The following CACNA2D2 variants were observed in gnomAD, a reference collection of about 807,000 sequenced individuals.
CACNA2D2 encodes the protein voltage-dependent calcium channel subunit alpha-2/delta-2.
Under a neutral mutation model 166.4 loss-of-function variants are expected in CACNA2D2, and 48 were observed. That is an observed-to-expected ratio of 0.29 (90% CI 0.23 to 0.37). The LOEUF (loss-of-function observed/expected upper bound fraction) is 0.37. CACNA2D2 is among the 10% of genes least tolerant of loss of function. The pLI, the probability that CACNA2D2 is intolerant of heterozygous loss-of-function variation, is 1.00. For synonymous variants in CACNA2D2, 561 were observed against 573.7 expected, an observed-to-expected ratio of 0.98 and a Z score of 0.32; for missense variants, 1,122 against 1,433.0, an observed-to-expected ratio of 0.78 and a Z score of 3.50.
Position 50,379,082 on chromosome 3 carries a change from T to G in CACNA2D2, c.1260+10A>C. 1 of 1,613,716 alleles carries G rather than the reference T, an allele frequency of 6.2e-7. No individual in the cohort carries two copies. The highest frequency in any genetic ancestry group is 8.5e-7 in the Non-Finnish European group (1 of 1,179,752). On this transcript the variant is annotated intron_variant, in intron 12 of 37. Coordinates refer to ENST00000424201, the MANE Select transcript of CACNA2D2 (RefSeq NM_006030.4). The surrounding 1 kb of genome is among the most constrained non-coding windows in gnomAD (Gnocchi z 6.5). ...AGGTCAGGGTAGCCCCTGCCTCGGT[T>G]GAGCCTCACCGTCCGGTTTGGCCAA...
Position 50,365,808 on chromosome 3 carries a change from A to T in CACNA2D2, c.2915+2T>A. 2.5e-6 allele frequency: 4 copies of T among 1,613,456 alleles called. No individual in the cohort carries two copies. The highest frequency in any genetic ancestry group is 3.4e-6 in the Non-Finnish European group (4 of 1,180,012). On this transcript the variant is annotated splice_donor_variant, in intron 33 of 37. Coordinates refer to ENST00000424201, the MANE Select transcript of CACNA2D2 (RefSeq NM_006030.4). LOFTEE classifies it high-confidence loss of function. The surrounding 1 kb of genome is among the most constrained non-coding windows in gnomAD (Gnocchi z 4.5). Reference sequence around the variant, plus strand: ...TCTACCCACCTCCCGCTCAGGACTCACCAGGCGGCAGCAGAGGTCCACCAG... The same window carrying T: ...TCTACCCACCTCCCGCTCAGGACTCTCCAGGCGGCAGCAGAGGTCCACCAG...
chr3:50,493,415 G>A (rs1182316878), intron 1 of CACNA2D2, among the ~76,000 whole-genome samples: 1 of 152,218 alleles, frequency 6.6e-6, no homozygotes, highest in Non-Finnish European at 1.5e-5. Context: ...AAACCCAGAG[G>A]AGACATCTCT....
intron 3 of CACNA2D2, among the ~76,000 whole-genome samples, chr3:50,432,035 C>A (rs1230902702): frequency 2.0e-5 from 3 of 151,030 alleles, no homozygotes; most frequent in African/African-American, 7.3e-5. Flanking sequence ...CTGTTTAGTG[C>A]CGACTGTCCC....
intron 2 of CACNA2D2, among the ~76,000 whole-genome samples, chr3:50,445,110 A>G (rs1436298230): frequency 6.6e-6 from 1 of 152,136 alleles, no homozygotes; most frequent in Non-Finnish European, 1.5e-5. Context: ...CACACCTCAA[A>G]AAGTGGTGTG....
chr3:50,432,329 C>A (rs1708111782), intron 3 of CACNA2D2, among the ~76,000 whole-genome samples: 1 of 152,224 alleles, frequency 6.6e-6, no homozygotes. Flanking sequence ...CCACTCAGCA[C>A]CCCTGCTGTG....
rs1704104980 is a variant in CACNA2D2 at position 50,364,575 on chromosome 3, G to A, written c.*91C>T. The A allele has an allele frequency of 7.2e-7, 1 of 1,386,366 alleles. No individual in the cohort carries two copies. Among genetic ancestry groups the A allele is most frequent in the East Asian group, 2.5e-5 (1 of 39,700 alleles). The allele number at this position is 1,386,366 out of a possible 1,614,324, so 85.9% of individuals were successfully genotyped here. A position where few individuals can be genotyped will look rare whatever the true frequency, so the allele number is the denominator to read the frequency against. ...TCAGGTCCTTCAGTGAGGGAGGGAC[G>A]AGGCTCTAAGGCGGGGAGTGTGGGG... On this transcript the variant is annotated 3_prime_UTR_variant, in exon 38 of 38. Coordinates refer to ENST00000424201, the MANE Select transcript of CACNA2D2 (RefSeq NM_006030.4).
intron 3 of CACNA2D2, among the ~76,000 whole-genome samples, chr3:50,432,474 G>C (rs993226883): frequency 6.6e-6 from 1 of 152,258 alleles, no homozygotes; most frequent in African/African-American, 2.4e-5. Flanking sequence ...CTAGGAAGTA[G>C]TGTGCAAATG....
chr3:50,443,999 C>A (rs1314286155), intron 2 of CACNA2D2, among the ~76,000 whole-genome samples: 1 of 152,188 alleles, frequency 6.6e-6, no homozygotes, highest in Non-Finnish European at 1.5e-5. Context: ...CCAGAGCTGG[C>A]AGAAATTCAC....
intron 4 of CACNA2D2, among the ~76,000 whole-genome samples, chr3:50,393,085 C>T (rs1705963018): frequency 6.6e-6 from 1 of 152,214 alleles, no homozygotes; most frequent in South Asian, 2.1e-4. Context: ...AGGCATGAGC[C>T]CCTGACACCC....
chr3:50,368,674 GTGCCGTT>G (rs1704488014), intron 23 of CACNA2D2, among the ~76,000 whole-genome samples: 1 of 152,224 alleles, frequency 6.6e-6, no homozygotes, highest in African/African-American at 2.4e-5. Flanking sequence ...TCCTGGCTGT[GTGCCGTT>G]AGGTAACTCA....
chr3:50,469,446 T>C (rs1358713445), intron 2 of CACNA2D2, among the ~76,000 whole-genome samples: 1 of 152,122 alleles, frequency 6.6e-6, no homozygotes, highest in Non-Finnish European at 1.5e-5. Context: ...ACCCCTGGAC[T>C]GAATCAAGCA....
At chr3:50,412,489 C>T (rs1189265461) in intron 3 of CACNA2D2, among the ~76,000 whole-genome samples, 2 of 152,210 alleles carry the variant, frequency 1.3e-5, no homozygotes, top group Admixed American at 6.5e-5. Flanking sequence ...TGCACAGTCA[C>T]GTGCTGAGCC....
intron 2 of CACNA2D2, among the ~76,000 whole-genome samples, chr3:50,448,555 A>G (rs62260817): frequency 0.048 from 7,241 of 152,152 alleles, 249 homozygotes; most frequent in Non-Finnish European, 0.074. Context: ...GTCGATGCAC[A>G]TATGTATCCT....
At chr3:50,381,794 A>G (rs1705329782) in intron 6 of CACNA2D2, among the ~76,000 whole-genome samples, 2 of 151,874 alleles carry the variant, frequency 1.3e-5, no homozygotes, top group Non-Finnish European at 1.5e-5. Flanking sequence ...GATGGAACCC[A>G]CCTGCCTAGC....
rs201309576 is a variant in CACNA2D2 at position 50,458,377 on chromosome 3, C to A, written c.288+17741G>T. Reference sequence around the variant, plus strand: ...CAAGCCAAGCCCTGTGCCCAACACACCCCCATGTACAGGGCAGCAGTTCTC... The same window carrying A: ...CAAGCCAAGCCCTGTGCCCAACACAACCCCATGTACAGGGCAGCAGTTCTC... On this transcript the variant is annotated intron_variant, in intron 2 of 37. Coordinates refer to ENST00000424201, the MANE Select transcript of CACNA2D2 (RefSeq NM_006030.4). 1.1e-4 allele frequency among the ~76,000 whole-genome samples: 17 copies of A among 152,328 alleles called. No homozygotes were observed. The East Asian group carries it at 2.3e-3, about 21-fold the overall frequency.
chr3:50,485,296 C>T (rs928492901), intron 1 of CACNA2D2, among the ~76,000 whole-genome samples: 10 of 152,326 alleles, frequency 6.6e-5, no homozygotes, highest in Admixed American at 4.6e-4. Context: ...ATGGGCTCTG[C>T]GCAGGCTCAC....
At chr3:50,464,096 C>A (rs904745445) in intron 2 of CACNA2D2, among the ~76,000 whole-genome samples, 1 of 152,204 alleles carries the variant, frequency 6.6e-6, no homozygotes. Context: ...AGGCCTTGAC[C>A]AGGCCCAGGC....
At chr3:50,443,541 G>A (rs1381244775) in intron 2 of CACNA2D2, among the ~76,000 whole-genome samples, 1 of 152,190 alleles carries the variant, frequency 6.6e-6, no homozygotes, top group Non-Finnish European at 1.5e-5. Flanking sequence ...CCCCGCTGCC[G>A]CTCAGTTCTC....
intron 13 of CACNA2D2, 24 bp from the exon 14 acceptor site, chr3:50,378,357 G>A: frequency 6.4e-7 from 1 of 1,551,006 alleles, no homozygotes; most frequent in Non-Finnish European, 8.7e-7. Context: ...AGAGGCAGAG[G>A]TGGGCCTGGC....
Sources: allele counts gnomAD v4.1 joint callset (sites outside exome capture counted in the v4.1 genomes callset), GRCh38; gene constraint gnomAD v4.1.1; non-coding constraint Gnocchi (gnomAD v3.1); transcripts MANE v1.5; gene names NCBI Gene and HGNC (gene_info 2026-07-23, HGNC 2026-07-21).